Variants in TPO observed in about 807,000 individuals in gnomAD.
TPO encodes the protein thyroid peroxidase, also known as thyroid microsomal antigen.
Under a neutral mutation model 96.9 loss-of-function variants are expected in TPO, and 78 were observed. The ratio of observed to expected loss-of-function variants is 0.81; its 90% CI spans 0.67 to 0.97. The LOEUF (loss-of-function observed/expected upper bound fraction) is 0.97. TPO is among the 50% of genes least tolerant of loss of function. The probability of loss-of-function intolerance (pLI) is 0.00; values close to 1 mark genes in which losing one functional copy is unlikely to be tolerated. For missense variants in TPO, 1,252 were observed against 1,274.8 expected (o/e 0.98, Z 0.27); for synonymous variants, 547 against 538.0 (o/e 1.02, Z -0.23).
At chr2:1,487,606 G>A (rs940175477) in intron 9 of TPO, among the ~76,000 whole-genome samples, 11 of 152,242 alleles carry the variant, frequency 7.2e-5, no homozygotes, top group South Asian at 4.2e-4. Context: ...GCATGGTAGC[G>A]GGCGCCTGTA....
At chr2:1,421,011 G>C (rs1222458746) in intron 2 of TPO, among the ~76,000 whole-genome samples, 2 of 152,044 alleles carry the variant, frequency 1.3e-5, no homozygotes, top group Non-Finnish European at 2.9e-5. Context: ...AGAAGTTCAA[G>C]TGGAAAACGG....
chr2:1,414,563 A>G lies in TPO; in HGVS notation c.94+61A>G, dbSNP rs908671111. ...TAAAGTTATTTTTCACACTTACTAA[A>G]ATAGAGGGCATAATGGTAGCTCCTG... On this transcript the variant is annotated intron_variant, in intron 2 of 16. Coordinates refer to ENST00000329066, the MANE Select transcript of TPO (RefSeq NM_001206744.2). 34 of 1,493,544 alleles carry G rather than the reference A, an allele frequency of 2.3e-5. No individual in the cohort carries two copies. The African/African-American group carries it at 4.7e-4, about 21-fold the overall frequency. The allele number at this position is 1,493,544 out of a possible 1,614,324, so 92.5% of individuals were successfully genotyped here. A position where few individuals can be genotyped will look rare whatever the true frequency, so the allele number is the denominator to read the frequency against.
chr2:1,483,175 GTGTC>G (rs1189863053), intron 8 of TPO, among the ~76,000 whole-genome samples: 1 of 152,214 alleles, frequency 6.6e-6, no homozygotes, highest in Non-Finnish European at 1.5e-5. Flanking sequence ...AGGAAGTACA[GTGTC>G]TGTGAGGCTC....
chr2:1,444,355 G>C (rs570987089), intron 5 of TPO, among the ~76,000 whole-genome samples: 3 of 151,832 alleles, frequency 2.0e-5, no homozygotes, highest in Non-Finnish European at 2.9e-5. Flanking sequence ...GAGGCACCGT[G>C]TTGGAAGGGA....
intron 1 of TPO, among the ~76,000 whole-genome samples, chr2:1,395,339 C>T (rs1279771162): frequency 2.6e-5 from 4 of 152,270 alleles, no homozygotes. Flanking sequence ...ATTTTATACA[C>T]ACTAATATTC....
chr2:1,536,924 AATC>A, intron 15 of TPO, among the ~76,000 whole-genome samples: 1 of 102,252 alleles, frequency 9.8e-6, no homozygotes, highest in Non-Finnish European at 1.9e-5. Flanking sequence ...CAACCTCCCA[AATC>A]CCCCCCAATG....
At position 1,398,347 on chromosome 2, in the gene TPO, A is replaced by G. The variant is rs141196352; in HGVS notation, n.180+23945A>G. On this transcript the variant is annotated intron_variant and non_coding_transcript_variant, in intron 1 of 5. Transcript: ENST00000497517. Reference sequence around the variant, plus strand: ...CTACTGTTGCCTTTGGATCACTTCTATGCCAGCTCTGGCACGGCTGGAAAC... The same window carrying G: ...CTACTGTTGCCTTTGGATCACTTCTGTGCCAGCTCTGGCACGGCTGGAAAC... Among the ~76,000 whole-genome samples the G allele has an allele frequency of 1.5e-4, 23 of 152,234 alleles. No homozygotes were observed. The East Asian group carries it at 1.7e-3, about 12-fold the overall frequency.
At chr2:1,449,776 T>G (rs112184779) in intron 5 of TPO, among the ~76,000 whole-genome samples, 21 of 152,176 alleles carry the variant, frequency 1.4e-4, no homozygotes, top group African/African-American at 5.1e-4. Context: ...TAAACAAGAT[T>G]TTCAAAGTTT....
chr2:1,448,241 C>T (rs1258347512), intron 5 of TPO, among the ~76,000 whole-genome samples: 2 of 152,242 alleles, frequency 1.3e-5, no homozygotes, highest in African/African-American at 4.8e-5. Flanking sequence ...CCTCCGGCCT[C>T]GCGTGGGAGC....
At chr2:1,519,200 T>A (rs764395917) in intron 15 of TPO, among the ~76,000 whole-genome samples, 1 of 152,200 alleles carries the variant, frequency 6.6e-6, no homozygotes, top group Non-Finnish European at 1.5e-5. Flanking sequence ...CAGCCAAGTC[T>A]GTGGTCCTCT....
intron 15 of TPO, among the ~76,000 whole-genome samples, chr2:1,527,787 C>T: frequency 7.0e-6 from 1 of 142,512 alleles, no homozygotes; most frequent in Non-Finnish European, 1.5e-5. Context: ...TGTGCAACCT[C>T]CCAAAATCCC....
intron 2 of TPO, among the ~76,000 whole-genome samples, chr2:1,422,358 C>CCTCTCCTGGACAGACCTCGTGCAGGT (rs1663746979): frequency 5.7e-5 from 6 of 106,142 alleles, no homozygotes; most frequent in South Asian, 3.7e-4. Context: ...CTCGTGCAGG[C>CCTCTCCTGGACAGACCTCGTGCAGGT]GCCGCGCTGG....
chr2:1,458,984 T>C (rs777729996), intron 7 of TPO, among the ~76,000 whole-genome samples: 7 of 152,160 alleles, frequency 4.6e-5, no homozygotes, highest in African/African-American at 1.2e-4. Flanking sequence ...AGGGGTAAGA[T>C]TGCTAAGTCA....
Position 1,439,052 on chromosome 2 carries a change from A to G in TPO, c.482+2668A>G, listed in dbSNP as rs1040952902. On this transcript the variant is annotated intron_variant, in intron 5 of 16. Coordinates refer to ENST00000329066, the MANE Select transcript of TPO (RefSeq NM_001206744.2). ...GATCACTCAAAAAAAACTCTTTAAA[A>G]AATGTATTGTGCCTAAGTTTACATT... 7.4e-6 allele frequency: 4 copies of G among 541,646 alleles called. No homozygotes were observed. In the African/African-American group the frequency reaches 7.5e-5, roughly 10 times the overall value. The allele number at this position is 541,646 out of a possible 1,614,324, so 33.6% of individuals were successfully genotyped here. A position where few individuals can be genotyped will look rare whatever the true frequency, so the allele number is the denominator to read the frequency against.
intron 1 of TPO, among the ~76,000 whole-genome samples, chr2:1,380,972 G>C (rs1661801272): frequency 6.6e-6 from 1 of 152,128 alleles, no homozygotes; most frequent in Non-Finnish European, 1.5e-5. Flanking sequence ...AGGTGCCATA[G>C]ACTATATATA....
At chr2:1,512,497 A>G in intron 14 of TPO, 3 of 984,902 alleles carry the variant, frequency 3.0e-6, no homozygotes, top group Non-Finnish European at 3.6e-6. Flanking sequence ...GTTCTGTGTG[A>G]TGGATGTGAT....
intron 15 of TPO, among the ~76,000 whole-genome samples, chr2:1,534,760 T>C: frequency 6.9e-6 from 1 of 145,190 alleles, no homozygotes; most frequent in African/African-American, 2.6e-5. Flanking sequence ...TCTCCCCCAC[T>C]GTGTGCAACC....
intron 1 of TPO, among the ~76,000 whole-genome samples, chr2:1,405,254 A>G (rs1013019515): frequency 1.3e-4 from 20 of 148,908 alleles, no homozygotes; most frequent in African/African-American, 5.0e-4. Context: ...TCCATCCATC[A>G]TCCACCCACC....
chr2:1,378,614 G>A (rs13393649), intron 1 of TPO, among the ~76,000 whole-genome samples: 8,780 of 152,306 alleles, frequency 0.058, 671 homozygotes, highest in East Asian at 0.3. Context: ...GGCCAGGGCT[G>A]GAGCACCTGC....
Sources: allele counts gnomAD v4.1 joint callset (sites outside exome capture counted in the v4.1 genomes callset), GRCh38; gene constraint gnomAD v4.1.1; transcripts MANE v1.5; gene names NCBI Gene and HGNC (gene_info 2026-07-23, HGNC 2026-07-21).